The following AK5 variants were observed in gnomAD, a reference collection of about 807,000 sequenced individuals.
AK5 encodes the protein adenylate kinase isoenzyme 5.
In AK5, 27 loss-of-function variants were observed where a neutral mutation model predicts 69.5. That is an observed-to-expected ratio of 0.39 (90% CI 0.29 to 0.54). AK5 has a LOEUF of 0.54. AK5 is among the 20% of genes least tolerant of loss of function. The pLI is 0.71. For missense variants in AK5, 531 were observed against 700.4 expected, an observed-to-expected ratio of 0.76 and a Z score of 2.73; for synonymous variants, 260 against 244.4, an observed-to-expected ratio of 1.06 and a Z score of -0.60.
At chr1:77,430,378 C>A (rs541665837) in intron 8 of AK5, among the ~76,000 whole-genome samples, 81 of 152,240 alleles carry the variant, frequency 5.3e-4, no homozygotes, top group African/African-American at 1.9e-3. Context: ...ACAGTGGTGG[C>A]ATTCACTGAG....
chr1:77,497,455 G>A (rs533381167), intron 10 of AK5, among the ~76,000 whole-genome samples: 2 of 152,348 alleles, frequency 1.3e-5, no homozygotes, highest in African/African-American at 2.4e-5. Flanking sequence ...CAGTCACCAC[G>A]AGGGTCCGTG....
intron 7 of AK5, among the ~76,000 whole-genome samples, chr1:77,415,017 A>G (rs1202221469): frequency 2.0e-5 from 3 of 152,192 alleles, no homozygotes; most frequent in Non-Finnish European, 1.5e-5. Context: ...TGCCAGGAGT[A>G]ACAATGTTTC....
chr1:77,361,755 G>A (rs1646869077), intron 6 of AK5, among the ~76,000 whole-genome samples: 1 of 152,086 alleles, frequency 6.6e-6, no homozygotes, highest in African/African-American at 2.4e-5. Flanking sequence ...GCTTGTGCAG[G>A]GTAATTTCCA....
At chr1:77,408,357 T>A (rs1649800398) in intron 6 of AK5, among the ~76,000 whole-genome samples, 1 of 152,182 alleles carries the variant, frequency 6.6e-6, no homozygotes, top group Non-Finnish European at 1.5e-5. Flanking sequence ...TCATTGTAGT[T>A]TTGATTTGCA....
In AK5 at chr1:77,558,813, C is replaced by T; in HGVS notation, c.*143C>T. ...AAATCCTGACAGCACTGTTTGCTTC[C>T]CAGCTAGACCTGTGTGAGAGGTGTC... On this transcript the variant is annotated 3_prime_UTR_variant, in exon 14 of 14. Transcript: ENST00000354567. The T allele has an allele frequency of 1.6e-6, 1 of 634,350 alleles. No individual in the cohort carries two copies. The highest frequency in any genetic ancestry group is 2.9e-6 in the Non-Finnish European group (1 of 348,108). The allele number at this position is 634,350 out of a possible 1,614,324, so 39.3% of individuals were successfully genotyped here.
intron 2 of AK5, among the ~76,000 whole-genome samples, chr1:77,288,874 A>G (rs1658515078): frequency 6.6e-6 from 1 of 152,194 alleles, no homozygotes; most frequent in Admixed American, 6.5e-5. Flanking sequence ...ACCACTGTCC[A>G]TCTTACATAG....
intron 8 of AK5, among the ~76,000 whole-genome samples, chr1:77,445,402 A>G (rs1652686080): frequency 6.6e-6 from 1 of 152,034 alleles, no homozygotes; most frequent in Non-Finnish European, 1.5e-5. Context: ...CTTTTCATGT[A>G]CCTGTTGGCC....
chr1:77,504,410 T>G (rs546214012), intron 10 of AK5, among the ~76,000 whole-genome samples: 32 of 147,354 alleles, frequency 2.2e-4, no homozygotes, highest in Middle Eastern at 3.4e-3. Flanking sequence ...TTGATTTATA[T>G]TCCTCTTAGT....
At chr1:77,343,203 G>A (rs1220551788) in intron 6 of AK5, among the ~76,000 whole-genome samples, 4 of 152,080 alleles carry the variant, frequency 2.6e-5, no homozygotes. Flanking sequence ...ATTCCCTGTG[G>A]TGAATAAAAT....
intron 12 of AK5, among the ~76,000 whole-genome samples, chr1:77,523,814 C>T (rs1204690515): frequency 6.6e-6 from 1 of 152,018 alleles, no homozygotes; most frequent in Non-Finnish European, 1.5e-5. Flanking sequence ...TGGGACTGCA[C>T]CACCACACCC....
intron 6 of AK5, among the ~76,000 whole-genome samples, chr1:77,352,353 A>G (rs183847462): frequency 1.2e-3 from 186 of 152,360 alleles, no homozygotes; most frequent in African/African-American, 4.3e-3. Context: ...TTCTTCCAAC[A>G]GTGTTTTAAA....
chr1:77,500,316 C>T (rs530164280), intron 10 of AK5, among the ~76,000 whole-genome samples: 21 of 152,138 alleles, frequency 1.4e-4, no homozygotes, highest in African/African-American at 3.4e-4. Flanking sequence ...ACACGGTTTC[C>T]GTATTAGACT....
At chr1:77,444,312 CAA>C (rs1652560654) in intron 8 of AK5, among the ~76,000 whole-genome samples, 1 of 71,568 alleles carries the variant, frequency 1.4e-5, no homozygotes, top group African/African-American at 6.3e-5. Flanking sequence ...TATATATACA[CAA>C]TATATGTGTA....
chr1:77,444,390 T>C (rs12080110), intron 8 of AK5, among the ~76,000 whole-genome samples: 4 of 16,832 alleles, frequency 2.4e-4, no homozygotes, highest in African/African-American at 5.7e-4. Context: ...ATATAGTATA[T>C]ATAGTATAAA....
At chr1:77,481,747 C>T (rs1438725019) in intron 8 of AK5, among the ~76,000 whole-genome samples, 1 of 152,112 alleles carries the variant, frequency 6.6e-6, no homozygotes, top group Non-Finnish European at 1.5e-5. Context: ...TGGCAAAATT[C>T]GATCAAAATT....
At chr1:77,287,713 G>A (rs1280758090) in intron 2 of AK5, among the ~76,000 whole-genome samples, 2 of 152,218 alleles carry the variant, frequency 1.3e-5, no homozygotes, top group African/African-American at 4.8e-5. Flanking sequence ...GCGCAGCCAC[G>A]TGGTGGAAGA....
At chr1:77,370,000 A>G (rs1273159624) in intron 6 of AK5, among the ~76,000 whole-genome samples, 1 of 152,212 alleles carries the variant, frequency 6.6e-6, no homozygotes, top group African/African-American at 2.4e-5. Context: ...AGAAAGTCAT[A>G]TAATTTCTCC....
chr1:77,308,758 A>C (rs1033132599), intron 5 of AK5, among the ~76,000 whole-genome samples: 2 of 152,062 alleles, frequency 1.3e-5, no homozygotes, highest in African/African-American at 4.8e-5. Flanking sequence ...ATTATTGAAA[A>C]TGGAGTTCAA....
chr1:77,466,978 T>A (rs925552514), intron 8 of AK5, among the ~76,000 whole-genome samples: 1 of 152,182 alleles, frequency 6.6e-6, no homozygotes, highest in South Asian at 2.1e-4. Flanking sequence ...ATATTTTCCA[T>A]GTATAAAGCA....
Sources: allele counts gnomAD v4.1 joint callset (sites outside exome capture counted in the v4.1 genomes callset), GRCh38; gene constraint gnomAD v4.1.1; transcripts MANE v1.5; gene names NCBI Gene and HGNC (gene_info 2026-07-23, HGNC 2026-07-21).